The following TNFAIP8 variants were observed in gnomAD, a reference collection of about 807,000 sequenced individuals.
TNFAIP8 encodes TNF alpha induced protein 8.
TNFAIP8 carries 7 observed loss-of-function variants against 13.3 expected under a neutral mutation model. That is an observed-to-expected ratio of 0.52 (90% CI 0.30 to 0.99). The LOEUF (loss-of-function observed/expected upper bound fraction) is 0.99, where lower values mean the gene tolerates loss of function less well. TNFAIP8 is among the 50% of genes least tolerant of loss of function. The pLI is 0.07. For missense variants in TNFAIP8, 258 were observed against 236.9 expected (o/e 1.09, Z -0.58); for synonymous variants, 94 against 87.6 (o/e 1.07, Z -0.41).
chr5:119,328,971 T>C (rs1040525059), intron 1 of TNFAIP8, among the ~76,000 whole-genome samples: 2 of 152,268 alleles, frequency 1.3e-5, no homozygotes, highest in Non-Finnish European at 2.9e-5. Flanking sequence ...GTTTCTTTGC[T>C]TTCTAAATGC....
intron 1 of TNFAIP8, among the ~76,000 whole-genome samples, chr5:119,312,013 TATA>T (rs1749747350): frequency 6.6e-6 from 1 of 152,216 alleles, no homozygotes; most frequent in African/African-American, 2.4e-5. Flanking sequence ...AAAAGAGCTT[TATA>T]TATTGACTAT....
chr5:119,361,314 G>A (rs979701715), intron 1 of TNFAIP8, among the ~76,000 whole-genome samples: 38 of 152,210 alleles, frequency 2.5e-4, no homozygotes, highest in African/African-American at 7.2e-4. Flanking sequence ...TTGAAGAAGA[G>A]GTACAGGGAT....
intron 1 of TNFAIP8, among the ~76,000 whole-genome samples, chr5:119,347,381 G>A (rs977156995): frequency 2.0e-5 from 3 of 152,162 alleles, no homozygotes; most frequent in Non-Finnish European, 4.4e-5. Flanking sequence ...GGCATATGAT[G>A]GGGCTTTGCT....
intron 1 of TNFAIP8, among the ~76,000 whole-genome samples, chr5:119,337,884 C>G (rs1750605048): frequency 6.6e-6 from 1 of 152,240 alleles, no homozygotes; most frequent in African/African-American, 2.4e-5. Context: ...AGCATCTCAG[C>G]TGTAAGACTG....
chr5:119,332,088 GAGTT>G (rs781293443), intron 1 of TNFAIP8, among the ~76,000 whole-genome samples: 10 of 152,196 alleles, frequency 6.6e-5, no homozygotes, highest in Admixed American at 2.0e-4. Context: ...ATATCGCTAT[GAGTT>G]AGTCACATGA....
chr5:119,305,223 C>G (rs1001934334), intron 1 of TNFAIP8, among the ~76,000 whole-genome samples: 1 of 152,108 alleles, frequency 6.6e-6, no homozygotes, highest in African/African-American at 2.4e-5. Context: ...TAGTCATTTT[C>G]GGGCTTTCTT....
exon 1 of TNFAIP8, chr5:119,268,804 G>C: frequency 1.4e-6 from 1 of 697,788 alleles, no homozygotes; most frequent in Non-Finnish European, 2.6e-6. Context: ...GCTTGGCTAA[G>C]GTCCGCGGGA....
At chr5:119,308,589 G>T (rs1749636562) in intron 1 of TNFAIP8, among the ~76,000 whole-genome samples, 1 of 151,898 alleles carries the variant, frequency 6.6e-6, no homozygotes, top group South Asian at 2.1e-4. Context: ...TTCTAGGCTG[G>T]GCACAGTGGC....
chr5:119,268,915 G>T, intron 1 of TNFAIP8: 1 of 699,344 alleles, frequency 1.4e-6, no homozygotes, highest in South Asian at 1.5e-5. Flanking sequence ...CGAGTAAGTG[G>T]CTCCTGGGCG....
chr5:119,306,595 G>T (rs1260138862), intron 1 of TNFAIP8: 2 of 152,092 alleles, frequency 1.3e-5, no homozygotes, highest in Non-Finnish European at 2.9e-5. Flanking sequence ...GGCCTCCCAA[G>T]TAGCTGGGAC....
chr5:119,335,658 T>C (rs189446361), intron 1 of TNFAIP8, among the ~76,000 whole-genome samples: 156 of 152,140 alleles, frequency 1.0e-3, no homozygotes, highest in African/African-American at 3.5e-3. Flanking sequence ...CATGGACATA[T>C]CTATTCAGCA....
intron 1 of TNFAIP8, among the ~76,000 whole-genome samples, chr5:119,338,857 C>G (rs772996336): frequency 6.6e-6 from 1 of 152,106 alleles, no homozygotes; most frequent in Non-Finnish European, 1.5e-5. Flanking sequence ...TGGGCAACAT[C>G]GTGAGACTGA....
At chr5:119,314,816 A>G (rs1749835389) in intron 1 of TNFAIP8, among the ~76,000 whole-genome samples, 1 of 152,240 alleles carries the variant, frequency 6.6e-6, no homozygotes, top group South Asian at 2.1e-4. Context: ...TGCTGTCAGG[A>G]GTTAGTAAGA....
At chr5:119,372,170 T>A (rs1345430844) in intron 1 of TNFAIP8, among the ~76,000 whole-genome samples, 3 of 149,304 alleles carry the variant, frequency 2.0e-5, no homozygotes, top group African/African-American at 2.5e-5. Context: ...ACAAAAAAAA[T>A]TATTTTTAAA....
intron 1 of TNFAIP8, among the ~76,000 whole-genome samples, chr5:119,293,999 T>C (rs1297296214): frequency 6.6e-6 from 1 of 152,208 alleles, no homozygotes; most frequent in East Asian, 1.9e-4. Flanking sequence ...AGTATATCAA[T>C]TCACTTTTAA....
intron 1 of TNFAIP8, among the ~76,000 whole-genome samples, chr5:119,380,360 G>A (rs1752442750): frequency 6.6e-6 from 1 of 152,188 alleles, no homozygotes; most frequent in Non-Finnish European, 1.5e-5. Flanking sequence ...TCACTCTAGT[G>A]TGCTGGATTT....
In TNFAIP8 at chr5:119,305,430, A is replaced by G. The variant is rs138061624; in HGVS notation, c.1+36523A>G. Among the ~76,000 whole-genome samples, 444 of 152,284 alleles carry G rather than the reference A, an allele frequency of 2.9e-3. 2 individuals are homozygous for G. The highest frequency in any genetic ancestry group is 0.017 in the Middle Eastern group (5 of 294). On this transcript the variant is annotated intron_variant, in intron 1 of 1. Transcript: ENST00000274456. ...TATTTGAGTGGTCATATCAATTCTAATTTTAAAGGTCATTTGGGCCTGGGT... is the reference window on the plus strand; with the variant it reads ...TATTTGAGTGGTCATATCAATTCTAGTTTTAAAGGTCATTTGGGCCTGGGT...
chr5:119,322,932 C>T (rs1046741007), intron 1 of TNFAIP8, among the ~76,000 whole-genome samples: 3 of 152,320 alleles, frequency 2.0e-5, no homozygotes, highest in Admixed American at 1.3e-4. Context: ...GTGAAGAAAG[C>T]TGAACTTGCC....
In TNFAIP8 at chr5:119,397,151, AC is replaced by A. The variant is rs1281416447; in HGVS notation, c.*3771del. 6.3e-4 allele frequency: 93 copies of A among 148,246 alleles called. No individual in the cohort carries two copies. Among genetic ancestry groups the A allele is most frequent in the African/African-American group, 2.2e-3 (90 of 40,764 alleles). 9.2% of individuals were successfully genotyped at this position (148,246 alleles called of 1,614,324 possible). A position where few individuals can be genotyped will look rare whatever the true frequency, so the allele number is the denominator to read the frequency against. ...TACACACACACACACACACACACAC[AC>A]AATTTTTAAGCCCCCAAAGGCTTAA... On this transcript the variant is annotated 3_prime_UTR_variant, in exon 2 of 2. Coordinates refer to ENST00000504771, the MANE Select transcript of TNFAIP8 (RefSeq NM_014350.4).
Sources: allele counts gnomAD v4.1 joint callset (sites outside exome capture counted in the v4.1 genomes callset), GRCh38; gene constraint gnomAD v4.1.1; transcripts MANE v1.5; gene names NCBI Gene and HGNC (gene_info 2026-07-23, HGNC 2026-07-21).